Variants in CEMIP observed in about 807,000 individuals in gnomAD.
CEMIP encodes the protein cell migration-inducing and hyaluronan-binding protein.
CEMIP carries 105 observed loss-of-function variants against 156.9 expected under a neutral mutation model. That is an observed-to-expected ratio of 0.67 (90% CI 0.57 to 0.79). The LOEUF (loss-of-function observed/expected upper bound fraction) is 0.79. Among genes scored for constraint, CEMIP ranks in the 30% least tolerant of loss-of-function variants. CEMIP has a pLI of 0.00. For missense variants in CEMIP, 1,457 were observed against 1,769.4 expected (o/e 0.82, Z 3.17); for synonymous variants, 676 against 668.4 (o/e 1.01, Z -0.17).
At chr15:80,878,174 C>T (rs1034338662) in intron 3 of CEMIP, among the ~76,000 whole-genome samples, 13 of 152,244 alleles carry the variant, frequency 8.5e-5, no homozygotes, top group African/African-American at 2.4e-4. Context: ...ACTATAGTTC[C>T]TCCCAGTTTA....
At chr15:80,844,377 A>T (rs79170539) in intron 1 of CEMIP, among the ~76,000 whole-genome samples, 23,654 of 152,128 alleles carry the variant, frequency 0.16, 2,130 homozygotes, top group South Asian at 0.3. Flanking sequence ...GCCATTTTTT[A>T]AAAAAAGACT....
At chr15:80,940,097 G>A (rs1901282626) in intron 25 of CEMIP, among the ~76,000 whole-genome samples, 1 of 152,184 alleles carries the variant, frequency 6.6e-6, no homozygotes, top group Non-Finnish European at 1.5e-5. Flanking sequence ...TTATAAACAA[G>A]TACATTATTT....
intron 1 of CEMIP, among the ~76,000 whole-genome samples, chr15:80,824,508 C>T (rs1385674012): frequency 6.6e-6 from 1 of 152,204 alleles, no homozygotes; most frequent in Non-Finnish European, 1.5e-5. Flanking sequence ...CAGTCTCCAG[C>T]ATCCTCTGCT....
At chr15:80,796,757 G>C (rs934414926) in intron 1 of CEMIP, among the ~76,000 whole-genome samples, 1 of 152,172 alleles carries the variant, frequency 6.6e-6, no homozygotes, top group Admixed American at 6.5e-5. Context: ...AGTAACTTAC[G>C]CTCCTACCTT....
At chr15:80,789,615 T>A (rs1018933588) in intron 1 of CEMIP, among the ~76,000 whole-genome samples, 8 of 152,186 alleles carry the variant, frequency 5.3e-5, no homozygotes, top group Admixed American at 2.6e-4. Flanking sequence ...GGTGTCTGTT[T>A]AGTTGGTAGC....
In CEMIP at chr15:80,949,317, C is replaced by T. The variant is rs1376472517; in HGVS notation, c.*393C>T. On this transcript the variant is annotated 3_prime_UTR_variant, in exon 30 of 30. Coordinates refer to ENST00000394685, the MANE Select transcript of CEMIP (RefSeq NM_001293298.2). ...GGTAGTCTGGAGGGCTGGTCATTCA[C>T]AGATCCCCATGGTCTTCAGCAGACA... 8.6e-6 allele frequency: 3 copies of T among 349,522 alleles called. No individual in the cohort carries two copies. Among genetic ancestry groups the T allele is most frequent in the African/African-American group, 6.4e-5 (3 of 46,968 alleles). The allele number at this position is 349,522 out of a possible 1,614,324, so 21.7% of individuals were successfully genotyped here.
At position 80,942,061 on chromosome 15, in the gene CEMIP, G is replaced by A; in HGVS notation, c.3612+8G>A. On this transcript the variant is annotated splice_region_variant and intron_variant, in intron 26 of 29. Transcript: ENST00000394685. ...CTCTTTGGTTCTCAGCTGGTGAGTG[G>A]CTGAGAGCAAAGCCTAGACCCCTTT... is the stretch of plus-strand genomic sequence containing the variant. The A allele has an allele frequency of 6.2e-7, 1 of 1,612,396 alleles. No homozygotes were observed. The highest frequency in any genetic ancestry group is 1.1e-5 in the South Asian group (1 of 90,900).
rs143192706 is a variant in CEMIP at position 80,903,451 on chromosome 15, A to T, written c.1412-3212A>T. On this transcript the variant is annotated intron_variant, in intron 12 of 29. Transcript: ENST00000394685. ...GAAAGCTTGCTGCAGGTAGAGGGAG[A>T]TACACGCATGGAAGCTCTGAGATGT... is the stretch of plus-strand genomic sequence containing the variant. Among the ~76,000 whole-genome samples the T allele has an allele frequency of 2.0e-3, 300 of 152,286 alleles. 3 individuals carry two copies. The highest frequency in any genetic ancestry group is 0.01 in the Middle Eastern group (3 of 294).
chr15:80,910,198 G>A (rs909699974), intron 14 of CEMIP, among the ~76,000 whole-genome samples: 2 of 152,208 alleles, frequency 1.3e-5, no homozygotes, highest in African/African-American at 4.8e-5. Flanking sequence ...TAAAAATCTG[G>A]ATTCCTGGCT....
At chr15:80,945,085 C>G (rs1233818381) in intron 28 of CEMIP, among the ~76,000 whole-genome samples, 1 of 152,246 alleles carries the variant, frequency 6.6e-6, no homozygotes, top group Non-Finnish European at 1.5e-5. Flanking sequence ...CAGCAGGCCA[C>G]TACTGGCCCC....
intron 1 of CEMIP, among the ~76,000 whole-genome samples, chr15:80,787,536 C>T (rs1399933607): frequency 6.6e-6 from 1 of 152,208 alleles, no homozygotes; most frequent in East Asian, 1.9e-4. Context: ...GTCTGGAGGC[C>T]TTTGCGTCAG....
At position 80,936,845 on chromosome 15, in the gene CEMIP, GC is replaced by G; in HGVS notation, c.3186del (p.Ala1063ProfsTer39). On this transcript the variant is annotated frameshift_variant, in exon 24 of 30. Coordinates refer to ENST00000394685, the MANE Select transcript of CEMIP (RefSeq NM_001293298.2). LOFTEE classifies it high-confidence loss of function. Reference sequence around the variant, plus strand: ...CTACACCATCCACTGGGACCAGACGGCCCCCGCCGAACTCGCCATCTGGCTC... The same window carrying G: ...CTACACCATCCACTGGGACCAGACGGCCCCGCCGAACTCGCCATCTGGCTC... The part of the protein sequence containing the change: ...KGYTIHWDQT[A>X]PAELAIWLIN... 6.2e-7 allele frequency: 1 copy of G among 1,614,064 alleles called. No individual in the cohort carries two copies. The highest frequency in any genetic ancestry group is 8.5e-7 in the Non-Finnish European group (1 of 1,180,046).
At position 80,942,009 on chromosome 15, in the gene CEMIP, G is replaced by T. The variant is rs751498274; in HGVS notation, c.3568G>T (p.Val1190Phe). The T allele has an allele frequency of 6.2e-7, 1 of 1,613,838 alleles. No homozygotes were observed. Among genetic ancestry groups the T allele is most frequent in the African/African-American group, 1.3e-5 (1 of 74,860 alleles). The change falls in exon 26 of 30, where the codon GTC (valine) becomes TTC (phenylalanine). Residue 1190 changes from valine (V) to phenylalanine (F), a missense_variant. Around this residue, in one of 5 missense-constraint regions of CEMIP, gnomAD observed 798 missense variants for 980.1 expected, o/e 0.81. Coordinates refer to ENST00000394685, the MANE Select transcript of CEMIP (RefSeq NM_001293298.2). ...TAYPKFTERAVVDVPMPKKLF... is the reference protein window; with the variant it reads ...TAYPKFTERAFVDVPMPKKLF... ...TTACCCCAAGTTCACCGAGAGGGCTGTCGTAGACGTGCCGATGCCCAAGAA... is the reference window on the plus strand; with the variant it reads ...TTACCCCAAGTTCACCGAGAGGGCTTTCGTAGACGTGCCGATGCCCAAGAA...
intron 14 of CEMIP, among the ~76,000 whole-genome samples, chr15:80,911,861 G>A (rs973402534): frequency 6.6e-6 from 1 of 151,996 alleles, no homozygotes; most frequent in Admixed American, 6.6e-5. Flanking sequence ...CACCCAGCAG[G>A]GCAGTGTTGA....
At chr15:80,812,859 T>G (rs747391432) in intron 1 of CEMIP, among the ~76,000 whole-genome samples, 1 of 152,202 alleles carries the variant, frequency 6.6e-6, no homozygotes, top group Non-Finnish European at 1.5e-5. Context: ...AATAATCACA[T>G]GTACTTTAGC....
At chr15:80,829,994 G>GTT (rs774987339) in intron 1 of CEMIP, among the ~76,000 whole-genome samples, 2 of 149,640 alleles carry the variant, frequency 1.3e-5, no homozygotes, top group African/African-American at 2.5e-5. Context: ...GTGTGTGTGT[G>GTT]TGTGTGTGCG....
At chr15:80,800,965 T>C (rs1896360601) in intron 1 of CEMIP, among the ~76,000 whole-genome samples, 2 of 152,248 alleles carry the variant, frequency 1.3e-5, no homozygotes, top group African/African-American at 4.8e-5. Context: ...GTCCAGCTGC[T>C]TCTCCCTTCT....
chr15:80,909,131 G>T lies in CEMIP; in HGVS notation c.1622G>T (p.Gly541Val), dbSNP rs1484919829. 4.3e-6 allele frequency: 7 copies of T among 1,614,108 alleles called. No homozygotes were observed. Among genetic ancestry groups the T allele is most frequent in the Non-Finnish European group, 5.9e-6 (7 of 1,180,028 alleles). The change falls in exon 14 of 30, where the codon GGC (glycine) becomes GTC (valine). Residue 541 changes from glycine (G) to valine (V), a missense_variant. Around this residue, in one of 5 missense-constraint regions of CEMIP, gnomAD observed 53 missense variants for 104.5 expected, o/e 0.51. Transcript: ENST00000394685. ...GGATTTAAGGCAGCACACTTGGAGG[G>T]CACGGAGCTGAAGCATATGGGACAG... Reference protein sequence around the residue: ...ALGFKAAHLEGTELKHMGQQL... With the variant: ...ALGFKAAHLEVTELKHMGQQL...
chr15:80,818,518 C>T (rs1196086284), intron 1 of CEMIP, among the ~76,000 whole-genome samples: 1 of 152,204 alleles, frequency 6.6e-6, no homozygotes, highest in Non-Finnish European at 1.5e-5. Context: ...TGAATATTTT[C>T]ATTCTCCAAG....
Sources: allele counts gnomAD v4.1 joint callset (sites outside exome capture counted in the v4.1 genomes callset), GRCh38; gene constraint gnomAD v4.1.1; regional missense constraint gnomAD v4.1.1; transcripts MANE v1.5; gene names NCBI Gene and HGNC (gene_info 2026-07-23, HGNC 2026-07-21).